MAPKBP1: variants seen among roughly 807,000 people sequenced by gnomAD.
MAPKBP1 encodes mitogen-activated protein kinase binding protein 1.
A neutral mutation model predicts 170.5 loss-of-function variants in MAPKBP1; 71 were observed. The ratio of observed to expected loss-of-function variants is 0.42; its 90% CI spans 0.34 to 0.51. The LOEUF is 0.51. MAPKBP1 is among the 20% of genes least tolerant of loss of function. The probability of loss-of-function intolerance (pLI) is 0.06; values close to 1 mark genes in which losing one functional copy is unlikely to be tolerated. For synonymous variants in MAPKBP1, 719 were observed against 757.9 expected (o/e 0.95, Z 0.84); for missense variants, 1,598 against 1,933.0 (o/e 0.83, Z 3.25).
intron 3 of MAPKBP1, among the ~76,000 whole-genome samples, chr15:41,800,227 A>T (rs2064565584): frequency 6.6e-6 from 1 of 152,186 alleles, no homozygotes; most frequent in Non-Finnish European, 1.5e-5. Flanking sequence ...CTTTATTGAG[A>T]TGTAATTCAC....
At chr15:41,811,657 G>T (rs1482781533) in intron 5 of MAPKBP1, 1 of 635,438 alleles carries the variant, frequency 1.6e-6, no homozygotes, top group Non-Finnish European at 2.9e-6. Context: ...AAATAGACCT[G>T]AGTGGTAGTG....
chr15:41,784,776 G>A (rs1157857322), intron 2 of MAPKBP1, among the ~76,000 whole-genome samples: 8 of 72,112 alleles, frequency 1.1e-4, no homozygotes, highest in Non-Finnish European at 1.8e-4. Flanking sequence ...GCGAGACTCC[G>A]TCTCAAAAAA....
Position 41,823,142 on chromosome 15 carries a change from G to A in MAPKBP1, c.3518G>A (p.Trp1173Ter). 6.2e-7 allele frequency: 1 copy of A among 1,613,684 alleles called. No individual in the cohort carries two copies. Among genetic ancestry groups the A allele is most frequent in the Non-Finnish European group, 8.5e-7 (1 of 1,180,012 alleles). The change falls in exon 28 of 31, where the codon TGG becomes TAG. Residue 1173 changes from tryptophan (W) to a stop codon, truncating the protein, a stop_gained. Coordinates refer to ENST00000457542, the MANE Select transcript of MAPKBP1 (RefSeq NM_014994.3). LOFTEE classifies it high-confidence loss of function. Reference protein sequence around the residue: ...PRCRLNPDSSWAPKRVATASP... With the variant: ...PRCRLNPDSS ...TGCCGTCTCAACCCTGACAGCAGCTGGGCTCCCAAGAGAGTGGCCACAGCC... is the reference window on the plus strand; with the variant it reads ...TGCCGTCTCAACCCTGACAGCAGCTAGGCTCCCAAGAGAGTGGCCACAGCC...
At chr15:41,787,752 T>C (rs2064324710) in intron 2 of MAPKBP1, among the ~76,000 whole-genome samples, 1 of 152,074 alleles carries the variant, frequency 6.6e-6, no homozygotes, top group Non-Finnish European at 1.5e-5. Flanking sequence ...GATAAGAGTG[T>C]TCTGTTTGTA....
rs375174822 is a variant in MAPKBP1 at position 41,821,692 on chromosome 15, C to T, written c.2827C>T (p.Pro943Ser). ...CTTTGCCCAAGATCTGGAACCTGCA[C>T]CCATTGAAGATGGTATTGTCTACCC... ...GVFAQDLEPA[P>S]IEDGIVYPEP... Residue 943 changes from proline (P) to serine (S), a missense_variant, in exon 24 of 31, where the codon CCC becomes TCC. Pro to Ser is a moderately conservative substitution (Grantham distance 74, BLOSUM62 -1). Transcript: ENST00000457542. 1.9e-6 allele frequency: 3 copies of T among 1,614,062 alleles called. No homozygotes were observed. In the African/African-American group the frequency reaches 4.0e-5, roughly 22 times the overall value.
rs550145856 is a variant in MAPKBP1 at position 41,792,731 on chromosome 15, G to C, written c.115-7092G>C. 4.6e-5 allele frequency among the ~76,000 whole-genome samples: 7 copies of C among 152,354 alleles called. No homozygotes were observed. The South Asian group carries it at 1.4e-3, about 32-fold the overall frequency. ...TGTATTTCATCGGCATTTGGGCCTTGAAGGTTTGGAGCTGAAGTTCCTGTC... is the reference window on the plus strand; with the variant it reads ...TGTATTTCATCGGCATTTGGGCCTTCAAGGTTTGGAGCTGAAGTTCCTGTC... On this transcript the variant is annotated intron_variant, in intron 2 of 30. Transcript: ENST00000457542.
chr15:41,814,400 G>A, intron 9 of MAPKBP1, 150 bp from the exon 10 acceptor site: 1 of 680,782 alleles, frequency 1.5e-6, no homozygotes, highest in East Asian at 2.7e-5. Flanking sequence ...CCTGCTGATG[G>A]CTAGTAGGGG....
At position 41,799,820 on chromosome 15, in the gene MAPKBP1, C is replaced by T. The variant is rs1282762342; in HGVS notation, c.115-3C>T. ...ACATGTCACTTCTCTCTTCCTCTAA[C>T]AGGTGACCTTGGAGAAGGTGCTGGG... On this transcript the variant is annotated splice_region_variant and splice_polypyrimidine_tract_variant and intron_variant, in intron 2 of 30. Transcript: ENST00000457542. The T allele has an allele frequency of 1.9e-6, 3 of 1,612,562 alleles. No homozygotes were observed. The highest frequency in any genetic ancestry group is 2.5e-6 in the Non-Finnish European group (3 of 1,178,574).
chr15:41,819,557 G>GGGGGGGCCCCCC, intron 21 of MAPKBP1, 38 bp from the exon 22 acceptor site: 1 of 1,384,584 alleles, frequency 7.2e-7, no homozygotes, highest in Non-Finnish European at 1.0e-6. Flanking sequence ...CGGGGGGGGG[G>GGGGGGGCCCCCC]CAGGAGACAC....
intron 6 of MAPKBP1, 97 bp downstream of exon 6, chr15:41,812,224 C>T: frequency 6.8e-7 from 1 of 1,462,426 alleles, no homozygotes; most frequent in Non-Finnish European, 9.4e-7. Context: ...CATTCCACCC[C>T]ACTGAACCAT....
intron 1 of MAPKBP1, 101 bp from the exon 2 acceptor site, chr15:41,775,066 A>T (rs1486079541): frequency 5.4e-6 from 3 of 554,324 alleles, no homozygotes; most frequent in African/African-American, 3.8e-5. Context: ...GAAGGTGGGG[A>T]TGAGGGAAAT....
chr15:41,781,087 CT>C (rs1567132532), intron 2 of MAPKBP1, among the ~76,000 whole-genome samples: 3 of 127,778 alleles, frequency 2.3e-5, no homozygotes, highest in Non-Finnish European at 5.1e-5. Context: ...TTCCTTTTTT[CT>C]TTTTTGAGAC....
chr15:41,800,203 C>T (rs1001798065), intron 3 of MAPKBP1, among the ~76,000 whole-genome samples: 3 of 152,166 alleles, frequency 2.0e-5, no homozygotes, highest in African/African-American at 7.2e-5. Context: ...ACCTTCCAGT[C>T]ATTTAAAAAA....
chr15:41,825,849 G>A lies in MAPKBP1; in HGVS notation c.*413G>A, dbSNP rs1450988149. On this transcript the variant is annotated 3_prime_UTR_variant, in exon 31 of 31. Transcript: ENST00000457542. Reference sequence around the variant, plus strand: ...CTGGGGTCGAGGTGAGAGGTGATGTGGTATTCAGTGCCCGTCAGCCAACTG... The same window carrying A: ...CTGGGGTCGAGGTGAGAGGTGATGTAGTATTCAGTGCCCGTCAGCCAACTG... 6.3e-6 allele frequency: 1 copy of A among 158,038 alleles called. No homozygotes were observed. Among genetic ancestry groups the A allele is most frequent in the Non-Finnish European group, 1.4e-5 (1 of 71,846 alleles). 9.8% of individuals were successfully genotyped at this position (158,038 alleles called of 1,614,324 possible).
intron 3 of MAPKBP1, among the ~76,000 whole-genome samples, chr15:41,806,127 G>A (rs553088744): frequency 1.3e-5 from 2 of 152,302 alleles, no homozygotes; most frequent in African/African-American, 4.8e-5. Context: ...AAGTAAAACA[G>A]ACCAAAAATA....
intron 13 of MAPKBP1, 80 bp from the exon 14 acceptor site, chr15:41,816,830 G>C: frequency 1.9e-6 from 3 of 1,545,554 alleles, no homozygotes; most frequent in Non-Finnish European, 2.6e-6. Flanking sequence ...ATGGGGCTCA[G>C]TTCCCTTGGG....
intron 22 of MAPKBP1, 105 bp from the exon 23 acceptor site, chr15:41,820,727 C>T (rs1358713223): frequency 7.7e-6 from 6 of 776,748 alleles, no homozygotes; most frequent in Non-Finnish European, 1.1e-5. Context: ...ATGAAGTAAG[C>T]TAGTATGTGT....
chr15:41,822,387 A>G lies in MAPKBP1; in HGVS notation c.3194A>G (p.Gln1065Arg), dbSNP rs2065014605. 6.2e-7 allele frequency: 1 copy of G among 1,613,986 alleles called. No homozygotes were observed. The highest frequency in any genetic ancestry group is 8.5e-7 in the Non-Finnish European group (1 of 1,180,010). ...CCAGACCAGGAGCAGTTTCTAAAAC[A>G]GCACTTTGAGACTCTGGCCAGTGGA... Reference protein sequence around the residue: ...QTPDQEQFLKQHFETLASGAA... With the variant: ...QTPDQEQFLKRHFETLASGAA... Residue 1065 changes from glutamine to arginine, a missense_variant, in exon 26 of 31, where the codon CAG becomes CGG. Physicochemically the swap from Gln to Arg is conservative, Grantham distance 43. This residue lies in a region of MAPKBP1 where 942 missense variants were observed against 953.2 expected (regional missense o/e 0.99). Transcript: ENST00000457542.
intron 3 of MAPKBP1, 70 bp from the exon 4 acceptor site, chr15:41,810,812 CT>C: frequency 7.5e-7 from 1 of 1,335,734 alleles, no homozygotes; most frequent in Non-Finnish European, 1.1e-6. Flanking sequence ...ACTGGAAGTC[CT>C]GGGTGGCCTG....
Sources: gnomAD v4.1 joint callset for allele counts (sites outside exome capture counted in the v4.1 genomes callset) on GRCh38, gnomAD v4.1.1 for gene constraint, gnomAD v4.1.1 regional missense constraint, MANE v1.5 for transcripts, NCBI Gene and HGNC (gene_info 2026-07-23, HGNC 2026-07-21) for gene names.